Variants in EIPR1 observed in about 807,000 individuals in gnomAD.
The protein encoded by EIPR1 is EARP and GARP complex-interacting protein 1.
In EIPR1, 25 loss-of-function variants were observed where a neutral mutation model predicts 48.1. The observed-to-expected ratio is 0.52, with a 90% confidence interval of 0.38 to 0.73. EIPR1 has a LOEUF of 0.73. Among genes scored for constraint, EIPR1 ranks in the 30% least tolerant of loss-of-function variants. The pLI is 0.00. For synonymous variants in EIPR1, 204 were observed against 201.9 expected, an observed-to-expected ratio of 1.01 and a Z score of -0.09; for missense variants, 415 against 506.2, an observed-to-expected ratio of 0.82 and a Z score of 1.73.
chr2:3,370,016 G>A (rs1422514834), intron 1 of EIPR1, among the ~76,000 whole-genome samples: 8 of 152,068 alleles, frequency 5.3e-5, no homozygotes, highest in Non-Finnish European at 8.8e-5. Flanking sequence ...CACCTCACAC[G>A]GCCGGGTACT....
chr2:3,351,260 T>C (rs10204708), intron 2 of EIPR1, among the ~76,000 whole-genome samples: 115,538 of 151,874 alleles, frequency 0.76, 44,371 homozygotes, highest in African/African-American at 0.88. Flanking sequence ...CTTGGCCTCC[T>C]GAAGTGCTGG....
intron 1 of EIPR1, 122 bp from the exon 2 acceptor site, chr2:3,354,755 GTGTC>G (rs1670680340): frequency 1.8e-6 from 2 of 1,085,550 alleles, no homozygotes; most frequent in East Asian, 2.5e-5. Context: ...TTAGTACAGA[GTGTC>G]TGGAAAGCAA....
chr2:3,357,215 C>T (rs1012958824), intron 1 of EIPR1, among the ~76,000 whole-genome samples: 24 of 152,176 alleles, frequency 1.6e-4, no homozygotes, highest in Admixed American at 1.1e-3. Flanking sequence ...CCCCATGGAG[C>T]GTACTTTCAT....
intron 1 of EIPR1, among the ~76,000 whole-genome samples, chr2:3,363,522 C>G (rs1171947831): frequency 6.6e-6 from 1 of 152,026 alleles, no homozygotes; most frequent in African/African-American, 2.4e-5. Context: ...AAGGTGAAAT[C>G]CCGTCTCTAC....
chr2:3,199,907 GCATCTGGGCACACATGGGGGGGTGTCCA>G (rs1664964838), intron 5 of EIPR1, among the ~76,000 whole-genome samples: 1 of 47,360 alleles, frequency 2.1e-5, no homozygotes, highest in Admixed American at 2.4e-4. Flanking sequence ...GGGTGTGTCT[GCATCTGGGCACACATGGGGGGGTGTCCA>G]CATCTGGGCA....
intron 3 of EIPR1, among the ~76,000 whole-genome samples, chr2:3,290,003 C>A (rs1668317994): frequency 1.3e-5 from 2 of 152,280 alleles, no homozygotes; most frequent in South Asian, 4.1e-4. Flanking sequence ...TGCCACAGCT[C>A]CTGGCTAAGC....
intron 4 of EIPR1, among the ~76,000 whole-genome samples, chr2:3,236,571 G>T (rs1397504665): frequency 6.6e-6 from 1 of 152,202 alleles, no homozygotes; most frequent in African/African-American, 2.4e-5. Context: ...GGACGCAATC[G>T]TGGGCAAGAC....
intron 5 of EIPR1, chr2:3,208,687 C>T (rs1442496948): frequency 6.4e-7 from 1 of 1,550,564 alleles, no homozygotes; most frequent in Admixed American, 2.0e-5. Context: ...AACCCCAATT[C>T]CCCCAGGAAA....
chr2:3,247,612 G>A (rs1160754296), intron 4 of EIPR1, among the ~76,000 whole-genome samples: 1 of 152,184 alleles, frequency 6.6e-6, no homozygotes, highest in Non-Finnish European at 1.5e-5. Context: ...CTGGGTAGGT[G>A]CAAAGTGCTG....
intron 3 of EIPR1, among the ~76,000 whole-genome samples, chr2:3,292,368 G>C (rs1418990627): frequency 1.3e-5 from 2 of 152,128 alleles, no homozygotes; most frequent in Non-Finnish European, 2.9e-5. Context: ...CCACGCTGTT[G>C]GGGGGACAGC....
In EIPR1 at chr2:3,338,063, G is replaced by A. The variant is rs371868745; in HGVS notation, c.213C>T (p.Ser71=). 21 of 1,612,886 alleles carry A rather than the reference G, an allele frequency of 1.3e-5. No homozygotes were observed. The highest frequency in any genetic ancestry group is 9.4e-5 in the African/African-American group (7 of 74,826). Residue 71 remains serine (S), a synonymous_variant, in exon 3 of 9, where the codon AGC becomes AGT. Coordinates refer to ENST00000382125, the MANE Select transcript of EIPR1 (RefSeq NM_003310.5). ...GCACACCTCTGTCTGCAGGGCTAGC[G>A]CTAATATGCCAGATTTCACCCGCTT... ...LHQAGEIWHI[S]ASPADRGVLT...
chr2:3,345,636 A>G (rs1670376607), intron 2 of EIPR1, among the ~76,000 whole-genome samples: 1 of 151,988 alleles, frequency 6.6e-6, no homozygotes, highest in Non-Finnish European at 1.5e-5. Context: ...AAAAAAAAAA[A>G]GAAAAAGTAA....
chr2:3,319,910 G>C, intron 3 of EIPR1: 1 of 84,156 alleles, frequency 1.2e-5, no homozygotes, highest in African/African-American at 5.5e-5. Context: ...GGACAACACC[G>C]CACCTGTGGG....
chr2:3,333,818 G>C (rs1669967256), intron 3 of EIPR1, among the ~76,000 whole-genome samples: 1 of 151,792 alleles, frequency 6.6e-6, no homozygotes, highest in Non-Finnish European at 1.5e-5. Flanking sequence ...ACGGAAAGCA[G>C]CTTTAGAAGA....
intron 3 of EIPR1, among the ~76,000 whole-genome samples, chr2:3,264,397 C>A (rs1667425463): frequency 6.6e-6 from 1 of 152,216 alleles, no homozygotes; most frequent in Non-Finnish European, 1.5e-5. Flanking sequence ...GATGGATAGG[C>A]AGGCTGCTTC....
intron 3 of EIPR1, among the ~76,000 whole-genome samples, chr2:3,310,568 G>C (rs544129115): frequency 6.8e-6 from 1 of 147,872 alleles, no homozygotes; most frequent in Non-Finnish European, 1.5e-5. Flanking sequence ...CAGGAGAATG[G>C]CGTGAACCCG....
At chr2:3,208,291 C>A (rs377250501) in intron 5 of EIPR1, 24 of 543,316 alleles carry the variant, frequency 4.4e-5, no homozygotes, top group African/African-American at 4.3e-4. Flanking sequence ...GAGAACCTCA[C>A]AGACCTGAAG....
At position 3,274,306 on chromosome 2, in the gene EIPR1, T is replaced by C. The variant is rs115069959; in HGVS notation, c.260-16851A>G. Reference sequence around the variant, plus strand: ...ACTCCTGGACACACTGTAGCACAAATGCAGAACACCAAAGACAAAGACAGA... The same window carrying C: ...ACTCCTGGACACACTGTAGCACAAACGCAGAACACCAAAGACAAAGACAGA... On this transcript the variant is annotated intron_variant, in intron 3 of 8. Transcript: ENST00000382125. The C allele has an allele frequency of 1.0e-3, 1,553 of 1,550,300 alleles. 6 individuals are homozygous for C. The African/African-American group carries it at 0.017, about 17-fold the overall frequency.
At chr2:3,270,737 G>A (rs1407382631) in intron 3 of EIPR1, among the ~76,000 whole-genome samples, 1 of 152,206 alleles carries the variant, frequency 6.6e-6, no homozygotes, top group Non-Finnish European at 1.5e-5. Context: ...CTTTTTGCTG[G>A]TGGAGGGTTT....
Sources: allele counts gnomAD v4.1 joint callset (sites outside exome capture counted in the v4.1 genomes callset), GRCh38; gene constraint gnomAD v4.1.1; transcripts MANE v1.5; gene names NCBI Gene and HGNC (gene_info 2026-07-23, HGNC 2026-07-21).